AGPS: variants seen among roughly 807,000 people sequenced by gnomAD.
AGPS encodes alkylglycerone phosphate synthase, also known as alkyldihydroxyacetonephosphate synthase, peroxisomal.
Under a neutral mutation model 90.7 loss-of-function variants are expected in AGPS, and 26 were observed. That is an observed-to-expected ratio of 0.29 (90% CI 0.21 to 0.40). The LOEUF (loss-of-function observed/expected upper bound fraction) is 0.40. Among genes scored for constraint, AGPS ranks in the 10% least tolerant of loss-of-function variants. The pLI, the probability that AGPS is intolerant of heterozygous loss-of-function variation, is 1.00. For missense variants in AGPS, 540 were observed against 816.1 expected (o/e 0.66, Z 4.12); for synonymous variants, 294 against 285.3 (o/e 1.03, Z -0.31).
intron 6 of AGPS, 80 bp downstream of exon 6, chr2:177,441,116 C>T: frequency 8.6e-7 from 1 of 1,167,146 alleles, no homozygotes; most frequent in Non-Finnish European, 1.3e-6. Context: ...TTGCGTCACC[C>T]TACTGAAAAC....
In AGPS at chr2:177,468,397, C is replaced by T. The variant is rs200697512; in HGVS notation, c.997-19C>T. 8.4e-6 allele frequency: 12 copies of T among 1,420,690 alleles called. No individual in the cohort carries two copies. The highest frequency in any genetic ancestry group is 2.3e-5 in the East Asian group (1 of 43,794). 88.0% of individuals were successfully genotyped at this position (1,420,690 alleles called of 1,614,324 possible). A position where few individuals can be genotyped will look rare whatever the true frequency, so the allele number is the denominator to read the frequency against. ...ACTAACAGATGTCTAGAATTTACAT[C>T]GTGTATTGTATTAAACAGGTGGTTC... On this transcript the variant is annotated intron_variant, in intron 9 of 19. Transcript: ENST00000264167.
intron 3 of AGPS, among the ~76,000 whole-genome samples, chr2:177,435,623 GGCTAGCTTATAGCA>G (rs1686382736): frequency 6.6e-6 from 1 of 151,966 alleles, no homozygotes; most frequent in Middle Eastern, 3.2e-3. Flanking sequence ...CTTGAAGAGT[GGCTAGCTTATAGCA>G]GCCACTCAGT....
chr2:177,529,596 A>G (rs990670196), intron 19 of AGPS, among the ~76,000 whole-genome samples: 2 of 152,212 alleles, frequency 1.3e-5, no homozygotes, highest in African/African-American at 2.4e-5. Flanking sequence ...TTTATTCTCT[A>G]ATATTTCTGG....
intron 10 of AGPS, among the ~76,000 whole-genome samples, chr2:177,476,162 T>C (rs1319097364): frequency 2.0e-5 from 3 of 152,078 alleles, no homozygotes; most frequent in African/African-American, 7.2e-5. Context: ...TGGTTTTCTA[T>C]CCTTGATCTC....
intron 1 of AGPS, among the ~76,000 whole-genome samples, chr2:177,419,187 T>G (rs1685873402): frequency 6.6e-6 from 1 of 151,764 alleles, no homozygotes; most frequent in African/African-American, 2.4e-5. Flanking sequence ...GCCTTTGAAC[T>G]AGAACAAGAA....
rs886055191 is a variant in AGPS, at chr2:177,540,777, C to G, written c.*2582C>G. The G allele has an allele frequency of 6.6e-6, 1 of 151,934 alleles. No individual in the cohort carries two copies. Among genetic ancestry groups the G allele is most frequent in the South Asian group, 2.1e-4 (1 of 4,820 alleles). The allele number at this position is 151,934 out of a possible 1,614,324, so 9.4% of individuals were successfully genotyped here. A position where few individuals can be genotyped will look rare whatever the true frequency, so the allele number is the denominator to read the frequency against. ...ATAATTTACTTAAATTTGGTAATGT[C>G]ACATTTGGGTTGGGGTTTCAGTGGG... On this transcript the variant is annotated 3_prime_UTR_variant, in exon 20 of 20. Transcript: ENST00000264167.
At chr2:177,497,081 C>T (rs937480818) in intron 12 of AGPS, among the ~76,000 whole-genome samples, 1 of 151,962 alleles carries the variant, frequency 6.6e-6, no homozygotes, top group African/African-American at 2.4e-5. Context: ...AAGGTTTTCA[C>T]TCAATTAAGC....
At chr2:177,501,071 G>A (rs770863862) in intron 14 of AGPS, among the ~76,000 whole-genome samples, 4 of 152,072 alleles carry the variant, frequency 2.6e-5, no homozygotes, top group Non-Finnish European at 5.9e-5. Flanking sequence ...ACCTACTCTA[G>A]CCTTAAATAT....
At chr2:177,531,371 C>G (rs924384515) in intron 19 of AGPS, among the ~76,000 whole-genome samples, 3 of 151,904 alleles carry the variant, frequency 2.0e-5, no homozygotes, top group Middle Eastern at 3.2e-3. Flanking sequence ...ATATAGAAAC[C>G]AAATCTAAAA....
At chr2:177,531,637 A>G (rs1425948727) in intron 19 of AGPS, among the ~76,000 whole-genome samples, 4 of 152,220 alleles carry the variant, frequency 2.6e-5, no homozygotes, top group Non-Finnish European at 4.4e-5. Flanking sequence ...AAATAGATAT[A>G]GAAAATATTA....
At chr2:177,518,005 G>A (rs1461823036) in intron 17 of AGPS, among the ~76,000 whole-genome samples, 8 of 152,112 alleles carry the variant, frequency 5.3e-5, no homozygotes, top group Non-Finnish European at 1.2e-4. Context: ...TGCTCTTCAT[G>A]GTAGATCATC....
At chr2:177,493,123 A>AC (rs1272301605) in intron 11 of AGPS, 25 bp from the exon 12 acceptor site, 1 of 1,578,062 alleles carries the variant, frequency 6.3e-7, no homozygotes. Context: ...AATTTGTATC[A>AC]CTTTTTTTTT....
At chr2:177,488,007 G>T (rs1438038002) in intron 11 of AGPS, among the ~76,000 whole-genome samples, 2 of 152,108 alleles carry the variant, frequency 1.3e-5, no homozygotes, top group East Asian at 3.9e-4. Flanking sequence ...AGTTCTTATT[G>T]TTTATCATAC....
intron 5 of AGPS, among the ~76,000 whole-genome samples, chr2:177,438,875 C>G (rs1389921792): frequency 6.6e-6 from 1 of 152,034 alleles, no homozygotes. Context: ...TTCCTACTGG[C>G]GATGAAGTCC....
intron 1 of AGPS, among the ~76,000 whole-genome samples, chr2:177,409,793 C>A (rs555161764): frequency 6.6e-6 from 1 of 152,084 alleles, no homozygotes; most frequent in Non-Finnish European, 1.5e-5. Context: ...TTTGAAGAAC[C>A]ATTTATACTT....
rs917109750 is a variant in AGPS, at chr2:177,439,993, A to G, written c.638-972A>G. Reference sequence around the variant, plus strand: ...AAGAGAACCCTTTAGTTCTGTACAAAGGAAAGGAATTATGTGCAGTGTATT... The same window carrying G: ...AAGAGAACCCTTTAGTTCTGTACAAGGGAAAGGAATTATGTGCAGTGTATT... On this transcript the variant is annotated intron_variant, in intron 5 of 19. Transcript: ENST00000264167. 8.5e-5 allele frequency among the ~76,000 whole-genome samples: 13 copies of G among 152,296 alleles called. No individual in the cohort carries two copies. In the East Asian group the frequency reaches 2.5e-3, roughly 29 times the overall value.
At chr2:177,417,874 C>A (rs1685831583) in intron 1 of AGPS, among the ~76,000 whole-genome samples, 1 of 151,948 alleles carries the variant, frequency 6.6e-6, no homozygotes, top group South Asian at 2.1e-4. Flanking sequence ...AGAGTATATA[C>A]TAGTAATTTG....
rs1428233233 is a variant in AGPS, at chr2:177,408,455, A to G, written c.261-11814A>G. The stretch of plus-strand genomic sequence containing the variant: ...ATTTCCATAGCGGATCAAACTTCCT[A>G]AAATTTGCATCAGAAAATATGATCT... On this transcript the variant is annotated intron_variant, in intron 1 of 19. Coordinates refer to ENST00000264167, the MANE Select transcript of AGPS (RefSeq NM_003659.4). Among the ~76,000 whole-genome samples the G allele has an allele frequency of 3.9e-5, 6 of 152,234 alleles. No individual in the cohort carries two copies. The East Asian group carries it at 1.2e-3, about 29-fold the overall frequency.
intron 2 of AGPS, among the ~76,000 whole-genome samples, chr2:177,426,382 A>C (rs1686079229): frequency 6.6e-6 from 1 of 152,088 alleles, no homozygotes; most frequent in African/African-American, 2.4e-5. Context: ...AATTTTCTTT[A>C]TTTCTTTCTC....
Sources: allele counts gnomAD v4.1 joint callset (sites outside exome capture counted in the v4.1 genomes callset), GRCh38; gene constraint gnomAD v4.1.1; transcripts MANE v1.5; gene names NCBI Gene and HGNC (gene_info 2026-07-23, HGNC 2026-07-21).